Variants in CLASP1 observed in about 807,000 individuals in gnomAD.
CLASP1 encodes the protein cytoplasmic linker associated protein 1, also known as CLIP-associating protein 1.
In CLASP1, 38 loss-of-function variants were observed where a neutral mutation model predicts 192.3. The ratio of observed to expected loss-of-function variants is 0.20; its 90% CI spans 0.15 to 0.26. The LOEUF (loss-of-function observed/expected upper bound fraction) is 0.26, where lower values mean the gene tolerates loss of function less well. CLASP1 is among the 10% of genes least tolerant of loss of function. CLASP1 has a pLI of 1.00. For synonymous variants in CLASP1, 691 were observed against 712.8 expected, an observed-to-expected ratio of 0.97 and a Z score of 0.49; for missense variants, 1,433 against 1,932.5, an observed-to-expected ratio of 0.74 and a Z score of 4.85.
intron 2 of CLASP1, among the ~76,000 whole-genome samples, chr2:121,568,837 T>C (rs948601560): frequency 2.6e-4 from 40 of 152,052 alleles, no homozygotes; most frequent in Non-Finnish European, 1.3e-4. Context: ...CTTCACTTAC[T>C]GCTGAGACAC....
At chr2:121,608,289 G>C (rs760414907) in intron 1 of CLASP1, among the ~76,000 whole-genome samples, 22 of 152,166 alleles carry the variant, frequency 1.4e-4, no homozygotes, top group Non-Finnish European at 2.5e-4. Context: ...ATAAGCACCA[G>C]GTTGGTGGTA....
At chr2:121,389,482 TA>T (rs2149393192) in intron 30 of CLASP1, among the ~76,000 whole-genome samples, 1 of 129,044 alleles carries the variant, frequency 7.7e-6, no homozygotes, top group South Asian at 2.4e-4. Context: ...TATTAGGTGT[TA>T]GAAAAAAAAA....
At chr2:121,491,662 A>G (rs2093313172) in intron 8 of CLASP1, among the ~76,000 whole-genome samples, 1 of 152,240 alleles carries the variant, frequency 6.6e-6, no homozygotes, top group South Asian at 2.1e-4. Flanking sequence ...AAGAAGAAAC[A>G]TCTATATAGC....
At chr2:121,445,450 T>G (rs1294680939) in intron 19 of CLASP1, 1 of 1,289,138 alleles carries the variant, frequency 7.8e-7, no homozygotes. Context: ...GCATGGTACC[T>G]GAGTCCAGGC....
chr2:121,636,058 G>C (rs1054082338), intron 1 of CLASP1, among the ~76,000 whole-genome samples: 2 of 152,202 alleles, frequency 1.3e-5, no homozygotes, highest in African/African-American at 2.4e-5. Context: ...AAATTTTGAG[G>C]CCGGGCATGG....
At chr2:121,496,393 T>C (rs1575463801) in intron 8 of CLASP1, among the ~76,000 whole-genome samples, 1 of 152,266 alleles carries the variant, frequency 6.6e-6, no homozygotes, top group East Asian at 1.9e-4. Context: ...ATGAGCCCCA[T>C]GTTGTCATTC....
intron 7 of CLASP1, among the ~76,000 whole-genome samples, chr2:121,507,560 T>C (rs1026573751): frequency 1.3e-5 from 2 of 152,226 alleles, no homozygotes; most frequent in South Asian, 4.1e-4. Context: ...TTTGCCCTAG[T>C]TGTTATCGTT....
chr2:121,498,794 G>A (rs1172280434), intron 8 of CLASP1, among the ~76,000 whole-genome samples: 4 of 152,080 alleles, frequency 2.6e-5, no homozygotes, highest in Non-Finnish European at 5.9e-5. Flanking sequence ...GGTATTTAAA[G>A]GGCTAATAAG....
intron 39 of CLASP1, among the ~76,000 whole-genome samples, chr2:121,346,290 C>T (rs963025383): frequency 6.6e-6 from 1 of 152,244 alleles, no homozygotes; most frequent in Non-Finnish European, 1.5e-5. Context: ...CAAGGCCTCA[C>T]CCCTTCACCA....
At chr2:121,451,847 C>T (rs866786082) in exon 15 of CLASP1, 6 of 1,561,008 alleles carry the variant, frequency 3.8e-6, no homozygotes, top group Non-Finnish European at 5.2e-6. Context: ...TTCAAAACAG[C>T]GCCTAAAAAG....
At chr2:121,413,174 C>T (rs760866793) in intron 23 of CLASP1, among the ~76,000 whole-genome samples, 1 of 152,098 alleles carries the variant, frequency 6.6e-6, no homozygotes, top group South Asian at 2.1e-4. Context: ...GTGGGAGGAT[C>T]GCTTGAGCCC....
intron 30 of CLASP1, among the ~76,000 whole-genome samples, chr2:121,394,863 G>C (rs2149424954): frequency 6.6e-6 from 1 of 152,370 alleles, no homozygotes; most frequent in African/African-American, 2.4e-5. Flanking sequence ...CTGGGTGACA[G>C]AGCGAGACTC....
At chr2:121,427,611 C>T in intron 20 of CLASP1, 181 bp from the exon 21 acceptor site, 1 of 654,860 alleles carries the variant, frequency 1.5e-6, no homozygotes. Flanking sequence ...CTTTGTCATT[C>T]TACATTAGCA....
chr2:121,440,768 G>C (rs1418447112), intron 19 of CLASP1, among the ~76,000 whole-genome samples: 3 of 149,998 alleles, frequency 2.0e-5, no homozygotes, highest in Non-Finnish European at 2.9e-5. Flanking sequence ...TTAAGTGACA[G>C]AGACAAGTAG....
chr2:121,631,772 C>T (rs1196296438), intron 1 of CLASP1, among the ~76,000 whole-genome samples: 3 of 151,900 alleles, frequency 2.0e-5, no homozygotes, highest in Admixed American at 6.6e-5. Flanking sequence ...TCGGGCCAGG[C>T]GCAGTGGGTC....
intron 9 of CLASP1, among the ~76,000 whole-genome samples, chr2:121,468,407 G>A (rs906398457): frequency 1.1e-4 from 17 of 152,304 alleles, no homozygotes; most frequent in African/African-American, 4.1e-4. Context: ...CTATCCATGA[G>A]CATGGACTGT....
intron 2 of CLASP1, among the ~76,000 whole-genome samples, chr2:121,588,176 A>C (rs2061950088): frequency 1.1e-5 from 1 of 93,660 alleles, no homozygotes; most frequent in African/African-American, 8.7e-5. Context: ...TCCGTCTCAA[A>C]AAAAAAAAAA....
At chr2:121,364,537 T>C (rs1250878382) in intron 36 of CLASP1, 1 of 160,082 alleles carries the variant, frequency 6.2e-6, no homozygotes, top group Non-Finnish European at 1.4e-5. Flanking sequence ...GTTTGTCACA[T>C]TCAAGTGTCC....
rs114552001 is a variant in CLASP1 at position 121,618,222 on chromosome 2, G to A, written c.-285-12042C>T. Among the ~76,000 whole-genome samples the A allele has an allele frequency of 4.2e-3, 639 of 152,336 alleles. 3 individuals carry two copies. The highest frequency in any genetic ancestry group is 0.015 in the African/African-American group (620 of 41,578). On this transcript the variant is annotated intron_variant, in intron 1 of 39. Transcript: ENST00000263710. ...TGTTCACCTAATGCCTATAATGCCT[G>A]TTGCAAACAAGGTACTCCAGAAATA...
Sources: gnomAD v4.1 joint callset for allele counts (sites outside exome capture counted in the v4.1 genomes callset) on GRCh38, gnomAD v4.1.1 for gene constraint, MANE v1.5 for transcripts, NCBI Gene and HGNC (gene_info 2026-07-23, HGNC 2026-07-21) for gene names.